DGKZ: variants seen among roughly 807,000 people sequenced by gnomAD.
The protein encoded by DGKZ is diacylglycerol kinase zeta.
Under a neutral mutation model 142.5 loss-of-function variants are expected in DGKZ, and 45 were observed. The observed-to-expected ratio is 0.32, with a 90% CI of 0.25 to 0.40. The LOEUF (loss-of-function observed/expected upper bound fraction) is 0.40, where lower values mean the gene tolerates loss of function less well. Among genes scored for constraint, DGKZ ranks in the 10% least tolerant of loss-of-function variants. The pLI, the probability that DGKZ is intolerant of heterozygous loss-of-function variation, is 1.00. For synonymous variants in DGKZ, 442 were observed against 527.0 expected, an observed-to-expected ratio of 0.84 and a Z score of 2.21; for missense variants, 755 against 1,306.5, an observed-to-expected ratio of 0.58 and a Z score of 6.51.
intron 1 of DGKZ, among the ~76,000 whole-genome samples, chr11:46,339,558 G>A (rs1284855381): frequency 1.3e-5 from 2 of 152,200 alleles, no homozygotes; most frequent in African/African-American, 2.4e-5. Context: ...TGCAGGGATC[G>A]GGATCCCAGG....
In DGKZ at chr11:46,367,872, G is replaced by T. The variant is rs766663422; in HGVS notation, c.366+125G>T. On this transcript the variant is annotated intron_variant, in intron 3 of 30. Coordinates refer to ENST00000527911, the Ensembl canonical transcript of DGKZ. This position sits in a 1 kb window ranked among gnomAD's most constrained non-coding sequence, Gnocchi z 4.1. ...GTGGGCCGCCCCAGGATGGTGAGGG[G>T]TGCAGGGGCTTTGTCCGGATGCCAG... 1.3e-6 allele frequency: 2 copies of T among 1,511,178 alleles called. No individual in the cohort carries two copies. The highest frequency in any genetic ancestry group is 1.7e-4 in the Middle Eastern group (1 of 5,892). The allele number at this position is 1,511,178 out of a possible 1,614,324, so 93.6% of individuals were successfully genotyped here.
chr11:46,345,092 G>A (rs1401753410), upstream of DGKZ, among the ~76,000 whole-genome samples: 7 of 152,232 alleles, frequency 4.6e-5, no homozygotes, highest in Admixed American at 4.6e-4. This position sits in a 1 kb window ranked among gnomAD's most constrained non-coding sequence, Gnocchi z 4.1. Context: ...TTGTCATAAA[G>A]CGGGAGACCT....
intron 1 of DGKZ, chr11:46,365,226 G>T (rs529019426): frequency 2.0e-6 from 2 of 985,410 alleles, no homozygotes; most frequent in Non-Finnish European, 2.4e-6. Flanking sequence ...GCTGTGCAGC[G>T]TTTGGAATTG....
intron 5 of DGKZ, 35 bp downstream of exon 5, chr11:46,369,585 C>G (rs1435683911): frequency 9.9e-6 from 16 of 1,611,312 alleles, no homozygotes; most frequent in Non-Finnish European, 1.4e-5. Flanking sequence ...TGGGGCCACC[C>G]TAAGATTCCT....
chr11:46,376,746 TAGGGCGGTGCCAGCCAGAAAGGC>T (rs1385176104), intron 24 of DGKZ, 182 bp downstream of exon 24: 1 of 854,864 alleles, frequency 1.2e-6, no homozygotes, highest in East Asian at 2.7e-5. Flanking sequence ...CTGGAGAGTA[TAGGGCGGTGCCAGCCAGAAAGGC>T]AGTGGGGTAC....
intron 15 of DGKZ, 39 bp from the exon 16 acceptor site, chr11:46,374,360 G>GGGGT (rs761959258): frequency 1.9e-6 from 3 of 1,613,892 alleles, no homozygotes; most frequent in Middle Eastern, 1.6e-4. Context: ...TGGGCAGGCT[G>GGGGT]GGGTGACTCA....
At position 46,379,118 on chromosome 11, in the gene DGKZ, C is replaced by T. The variant is rs768659575; in HGVS notation, c.2539+7C>T. The T allele has an allele frequency of 4.4e-6, 7 of 1,608,872 alleles. No individual in the cohort carries two copies. In the South Asian group the frequency reaches 4.4e-5, roughly 10 times the overall value. On this transcript the variant is annotated splice_region_variant and intron_variant, in intron 28 of 30. Transcript: ENST00000527911. ...CGCTACCTGCTGGACCACGGTGAGC[C>T]GGGCAGTGGAGCCCAGGGCCTGGGG... is the stretch of plus-strand genomic sequence containing the variant.
chr11:46,375,951 T>G (rs767282809), exon 21 of DGKZ: 1 of 1,609,870 alleles, frequency 6.2e-7, no homozygotes, highest in African/African-American at 1.3e-5. Flanking sequence ...CAAGGAGGCC[T>G]GTGAGTGCGG....
At chr11:46,358,596 G>T (rs997992418) in intron 1 of DGKZ, among the ~76,000 whole-genome samples, 7 of 152,222 alleles carry the variant, frequency 4.6e-5, no homozygotes, top group Non-Finnish European at 7.3e-5. Context: ...ACTTTGGGAG[G>T]CCAAGGCAGG....
chr11:46,370,082 C>A, intron 6 of DGKZ, 73 bp downstream of exon 6: 3 of 1,582,762 alleles, frequency 1.9e-6, no homozygotes, highest in Non-Finnish European at 2.6e-6. Context: ...GCCGGTGTGG[C>A]CTGCCGATCA....
rs183429486 is a variant in DGKZ, at chr11:46,358,408, A to T, written c.162-8883A>T. ...TCGATGCAGTTGTAAGCTGTACTAGATGCTTTTTTTTTTAAGAACACCATT... is the reference window on the plus strand; with the variant it reads ...TCGATGCAGTTGTAAGCTGTACTAGTTGCTTTTTTTTTTAAGAACACCATT... On this transcript the variant is annotated intron_variant, in intron 1 of 30. Coordinates refer to ENST00000527911, the Ensembl canonical transcript of DGKZ. Among the ~76,000 whole-genome samples, 203 of 152,240 alleles carry T rather than the reference A, an allele frequency of 1.3e-3. No individual in the cohort carries two copies. The Middle Eastern group carries it at 0.017, about 13-fold the overall frequency.
Position 46,379,549 on chromosome 11 carries a change from T to G in DGKZ, c.2669T>G (p.Leu890Arg), listed in dbSNP as rs1180600517. 1 of 1,610,146 alleles carries G rather than the reference T, an allele frequency of 6.2e-7. No homozygotes were observed. The highest frequency in any genetic ancestry group is 2.2e-5 in the East Asian group (1 of 44,830). Residue 890 changes from leucine (L) to arginine (R), a missense_variant, in exon 30 of 31, where the codon CTC (leucine) becomes CGC (arginine). Physicochemically the swap from Leu to Arg is moderately radical, Grantham distance 102. This residue lies in a region of DGKZ where 100 missense variants were observed against 87.7 expected (regional missense o/e 1.14). Coordinates refer to ENST00000527911, the Ensembl canonical transcript of DGKZ. ...TACATCGTGGAGGCCGGGGCCTCGC[T>G]CATGAAGACAGACCAGCAGGTGAGC...
In DGKZ at chr11:46,367,687, G is replaced by A. The variant is rs903527772; in HGVS notation, c.306G>A (p.Glu102=). 6.2e-7 allele frequency: 1 copy of A among 1,609,978 alleles called. No individual in the cohort carries two copies. The highest frequency in any genetic ancestry group is 1.1e-5 in the South Asian group (1 of 90,992). Residue 102 remains glutamate (E), a synonymous_variant, in exon 3 of 31, where the codon GAG becomes GAA. Transcript: ENST00000527911. This position sits in a 1 kb window ranked among gnomAD's most constrained non-coding sequence, Gnocchi z 4.1. Reference sequence around the variant, plus strand: ...CATATGGGGAGCACATCTGGTTCGAGACCAACGTGTCCGGGGACTTCTGCT... The same window carrying A: ...CATATGGGGAGCACATCTGGTTCGAAACCAACGTGTCCGGGGACTTCTGCT...
At chr11:46,335,620 A>C (rs965607220) in intron 1 of DGKZ, among the ~76,000 whole-genome samples, 2 of 152,168 alleles carry the variant, frequency 1.3e-5, no homozygotes, top group African/African-American at 4.8e-5. Context: ...GCAGAAAACA[A>C]CACCAGGGTG....
intron 1 of DGKZ, among the ~76,000 whole-genome samples, chr11:46,363,875 A>G (rs528691189): frequency 6.4e-4 from 97 of 152,292 alleles, no homozygotes; most frequent in African/African-American, 2.3e-3. Flanking sequence ...GACACAAAGC[A>G]GGCCCCAGGT....
intron 1 of DGKZ, among the ~76,000 whole-genome samples, chr11:46,337,372 T>C (rs1940064765): frequency 6.9e-6 from 1 of 144,918 alleles, no homozygotes. Context: ...CTTGGTTCAC[T>C]GCAACTGCCA....
intron 6 of DGKZ, 108 bp downstream of exon 6, chr11:46,370,117 T>G (rs1171379403): frequency 1.4e-6 from 2 of 1,400,596 alleles, no homozygotes; most frequent in Non-Finnish European, 2.0e-6. Context: ...GTGTGCAGAG[T>G]CCGGGGCTGA....
In DGKZ at chr11:46,378,986, C is replaced by G; in HGVS notation, c.2419-5C>G. 1 of 1,541,148 alleles carries G rather than the reference C, an allele frequency of 6.5e-7. No homozygotes were observed. Among genetic ancestry groups the G allele is most frequent in the Non-Finnish European group, 8.7e-7 (1 of 1,152,326 alleles). On this transcript the variant is annotated splice_region_variant and splice_polypyrimidine_tract_variant and intron_variant, in intron 27 of 30. Transcript: ENST00000527911. ...GTCCAGCCCTGCCATGCCTCCTGCC[C>G]TCAGCTCCAGGAGCTGCACCGAGCT...
At chr11:46,366,142 G>C in intron 1 of DGKZ, 2 of 1,400,738 alleles carry the variant, frequency 1.4e-6, no homozygotes, top group South Asian at 1.6e-5. Context: ...GCTCCTGGTT[G>C]CTTCCCTTCT....
Sources: allele counts gnomAD v4.1 joint callset (sites outside exome capture counted in the v4.1 genomes callset), GRCh38; gene constraint gnomAD v4.1.1; regional missense constraint gnomAD v4.1.1; non-coding constraint Gnocchi (gnomAD v3.1); transcripts MANE v1.5; gene names NCBI Gene and HGNC (gene_info 2026-07-23, HGNC 2026-07-21).